Variants in ROR1 observed in about 807,000 individuals in gnomAD.
ROR1 encodes inactive tyrosine-protein kinase transmembrane receptor ROR1.
Under a neutral mutation model 78.8 loss-of-function variants are expected in ROR1, and 19 were observed. That is an observed-to-expected ratio of 0.24 (90% CI 0.17 to 0.35). ROR1 has a LOEUF of 0.35. ROR1 is among the 10% of genes least tolerant of loss of function. The pLI, the probability that ROR1 is intolerant of heterozygous loss-of-function variation, is 1.00. For synonymous variants in ROR1, 386 were observed against 433.6 expected (o/e 0.89, Z 1.36); for missense variants, 917 against 1,177.8 (o/e 0.78, Z 3.24).
intron 2 of ROR1, among the ~76,000 whole-genome samples, chr1:64,035,436 T>C (rs981660657): frequency 6.6e-6 from 1 of 152,146 alleles, no homozygotes; most frequent in Admixed American, 6.5e-5. Flanking sequence ...AGCCCTCTGT[T>C]GTCTGATAGC....
chr1:63,960,860 G>A (rs1447298069), intron 1 of ROR1, among the ~76,000 whole-genome samples: 2 of 152,192 alleles, frequency 1.3e-5, no homozygotes, highest in Non-Finnish European at 2.9e-5. Flanking sequence ...GATTTTGAAA[G>A]AAGAGAGTAA....
chr1:64,152,716 C>T (rs111249291), intron 7 of ROR1, among the ~76,000 whole-genome samples: 9 of 152,196 alleles, frequency 5.9e-5, no homozygotes, highest in East Asian at 1.9e-4. Context: ...CTGTCGAGTA[C>T]GATCCTCTAA....
chr1:63,962,555 T>C (rs551777215), intron 1 of ROR1, among the ~76,000 whole-genome samples: 2 of 152,262 alleles, frequency 1.3e-5, no homozygotes, highest in East Asian at 3.9e-4. Context: ...AGAAGAGGAC[T>C]GAGAAAAGCC....
At chr1:64,141,762 G>A (rs1476760323) in intron 6 of ROR1, among the ~76,000 whole-genome samples, 2 of 152,062 alleles carry the variant, frequency 1.3e-5, no homozygotes, top group South Asian at 4.1e-4. Context: ...TTAACACATG[G>A]TAAGGGCTCA....
At chr1:64,121,127 T>C (rs992826524) in intron 4 of ROR1, among the ~76,000 whole-genome samples, 1 of 140,032 alleles carries the variant, frequency 7.1e-6, no homozygotes, top group Admixed American at 7.5e-5. Context: ...TCTTTTCTTC[T>C]TTCCCTTCCC....
At chr1:63,834,328 G>T (rs1207259916) in intron 1 of ROR1, among the ~76,000 whole-genome samples, 1 of 151,878 alleles carries the variant, frequency 6.6e-6, no homozygotes, top group Admixed American at 6.6e-5. Context: ...GAATTAAAAA[G>T]TAATTATACT....
intron 1 of ROR1, among the ~76,000 whole-genome samples, chr1:63,887,768 CAAT>C (rs1645367038): frequency 6.6e-6 from 1 of 152,178 alleles, no homozygotes; most frequent in African/African-American, 2.4e-5. Flanking sequence ...AAATCTTTGA[CAAT>C]GATGGGCCTA....
At chr1:64,126,555 A>G (rs917690079) in intron 4 of ROR1, among the ~76,000 whole-genome samples, 1 of 152,184 alleles carries the variant, frequency 6.6e-6, no homozygotes, top group Non-Finnish European at 1.5e-5. Context: ...TGGAAAGAAC[A>G]TATTATACAG....
rs537303963 is a variant in ROR1 at position 63,973,393 on chromosome 1, G to A, written c.92-35912G>A. On this transcript the variant is annotated intron_variant, in intron 1 of 8. Transcript: ENST00000371079. ...CACGATAATGCGATGCCTGCAGAGAGTGAACTTATCTACCCTCTCCATACC... is the reference window on the plus strand; with the variant it reads ...CACGATAATGCGATGCCTGCAGAGAATGAACTTATCTACCCTCTCCATACC... 2.6e-5 allele frequency among the ~76,000 whole-genome samples: 4 copies of A among 152,290 alleles called. No individual in the cohort carries two copies. In the South Asian group the frequency reaches 8.3e-4, roughly 32 times the overall value.
chr1:64,134,634 G>T (rs1322498195), intron 4 of ROR1, among the ~76,000 whole-genome samples: 3 of 151,894 alleles, frequency 2.0e-5, no homozygotes, highest in African/African-American at 7.3e-5. Flanking sequence ...CACCTGATAG[G>T]TTTCTTTAAG....
At chr1:63,878,731 G>A (rs891575111) in intron 1 of ROR1, among the ~76,000 whole-genome samples, 1 of 151,996 alleles carries the variant, frequency 6.6e-6, no homozygotes, top group African/African-American at 2.4e-5. Flanking sequence ...TGCTGCCCTG[G>A]TTACTCTCAT....
intron 1 of ROR1, among the ~76,000 whole-genome samples, chr1:63,991,864 C>T (rs1045851933): frequency 6.6e-6 from 1 of 152,190 alleles, no homozygotes; most frequent in African/African-American, 2.4e-5. Context: ...TCATGAAATG[C>T]AATGACCCTT....
chr1:63,999,404 T>A (rs1646365292), intron 1 of ROR1, among the ~76,000 whole-genome samples: 1 of 152,238 alleles, frequency 6.6e-6, no homozygotes, highest in African/African-American at 2.4e-5. Flanking sequence ...GGATTCCATG[T>A]CTATCTAAAT....
chr1:63,939,211 A>G (rs1347978155), intron 1 of ROR1, among the ~76,000 whole-genome samples: 1 of 152,140 alleles, frequency 6.6e-6, no homozygotes, highest in Non-Finnish European at 1.5e-5. Flanking sequence ...GTGGTTTCCA[A>G]CCTTTGCTGC....
intron 2 of ROR1, among the ~76,000 whole-genome samples, chr1:64,043,182 G>A (rs1387756533): frequency 6.6e-6 from 1 of 152,214 alleles, no homozygotes; most frequent in Non-Finnish European, 1.5e-5. Flanking sequence ...AGGAGAGATG[G>A]GGGCACTTTG....
chr1:63,919,215 A>G (rs771977807), intron 1 of ROR1, among the ~76,000 whole-genome samples: 4 of 152,198 alleles, frequency 2.6e-5, no homozygotes, highest in Non-Finnish European at 4.4e-5. Context: ...ATATTGACAC[A>G]TTGAGAAAAA....
chr1:64,151,998 A>G (rs998212442), intron 7 of ROR1, among the ~76,000 whole-genome samples: 8 of 152,178 alleles, frequency 5.3e-5, no homozygotes, highest in Non-Finnish European at 1.2e-4. Flanking sequence ...GAACATTGCC[A>G]GACATCTCCA....
At chr1:63,819,392 A>G (rs1644911430) in intron 1 of ROR1, among the ~76,000 whole-genome samples, 1 of 152,136 alleles carries the variant, frequency 6.6e-6, no homozygotes, top group Non-Finnish European at 1.5e-5. Flanking sequence ...CTTGAAAAAG[A>G]ATGGGTGCTT....
intron 4 of ROR1, among the ~76,000 whole-genome samples, chr1:64,134,565 C>T (rs1649036044): frequency 6.6e-6 from 1 of 152,132 alleles, no homozygotes; most frequent in African/African-American, 2.4e-5. Flanking sequence ...CCCAGAGCAG[C>T]AGACACTTAA....
Sources: gnomAD v4.1 joint callset for allele counts (sites outside exome capture counted in the v4.1 genomes callset) on GRCh38, gnomAD v4.1.1 for gene constraint, MANE v1.5 for transcripts, NCBI Gene and HGNC (gene_info 2026-07-23, HGNC 2026-07-21) for gene names.